NRXN1: variants seen among roughly 807,000 people sequenced by gnomAD.
The protein encoded by NRXN1 is neurexin-1.
A neutral mutation model predicts 150.9 loss-of-function variants in NRXN1; 39 were observed. The ratio of observed to expected loss-of-function variants is 0.26; its 90% CI spans 0.20 to 0.34. The LOEUF (loss-of-function observed/expected upper bound fraction) is 0.34, where lower values mean the gene tolerates loss of function less well. NRXN1 is among the 10% of genes least tolerant of loss of function. NRXN1 has a pLI of 1.00. For synonymous variants in NRXN1, 924 were observed against 757.0 expected, an observed-to-expected ratio of 1.22 and a Z score of -3.62; for missense variants, 1,815 against 1,949.9, an observed-to-expected ratio of 0.93 and a Z score of 1.30.
chr2:50,417,765 T>C (rs1016468961), intron 17 of NRXN1, among the ~76,000 whole-genome samples: 1 of 150,906 alleles, frequency 6.6e-6, no homozygotes, highest in Non-Finnish European at 1.5e-5. Flanking sequence ...AGAGTAAAAA[T>C]TAAAGAAACA....
chr2:50,091,000 G>A (rs915662234), intron 19 of NRXN1, among the ~76,000 whole-genome samples: 1 of 152,052 alleles, frequency 6.6e-6, no homozygotes, highest in Non-Finnish European at 1.5e-5. Flanking sequence ...TTTTGACAAA[G>A]CCTTTCCTTT....
chr2:50,988,552 C>T (rs535490957), intron 2 of NRXN1, among the ~76,000 whole-genome samples: 1 of 152,002 alleles, frequency 6.6e-6, no homozygotes, highest in South Asian at 2.1e-4. Flanking sequence ...CTAGACCAAA[C>T]AAGGAAGAGG....
At chr2:50,744,790 T>C (rs548248573) in intron 5 of NRXN1, among the ~76,000 whole-genome samples, 1 of 152,252 alleles carries the variant, frequency 6.6e-6, no homozygotes, top group Non-Finnish European at 1.5e-5. Context: ...AATGCTGTTC[T>C]TTTCTAGGGA....
chr2:50,318,357 T>C (rs540103713), intron 17 of NRXN1, among the ~76,000 whole-genome samples: 2 of 152,104 alleles, frequency 1.3e-5, no homozygotes, highest in East Asian at 1.9e-4. Context: ...GGACAGCAGG[T>C]GAATGGTAAG....
At position 50,545,927 on chromosome 2, in the gene NRXN1, T is replaced by G. The variant is rs375618331; in HGVS notation, c.1759+6660A>C. 1.1e-4 allele frequency among the ~76,000 whole-genome samples: 16 copies of G among 152,292 alleles called. No individual in the cohort carries two copies. In the East Asian group the frequency reaches 1.9e-3, roughly 18 times the overall value. On this transcript the variant is annotated intron_variant, in intron 9 of 22. Transcript: ENST00000401669. ...CTTATATCTAATACAATGTAAATGC[T>G]ACATAGTTATTATACTGCATTGTTT...
At chr2:50,188,578 G>A (rs763814701) in intron 18 of NRXN1, among the ~76,000 whole-genome samples, 55 of 151,974 alleles carry the variant, frequency 3.6e-4, no homozygotes, top group Non-Finnish European at 6.3e-4. Context: ...TCATTAGAGT[G>A]AATAGGTAAC....
At chr2:50,521,117 T>C (rs1322503735) in intron 12 of NRXN1, among the ~76,000 whole-genome samples, 2 of 152,170 alleles carry the variant, frequency 1.3e-5, no homozygotes, top group African/African-American at 2.4e-5. Context: ...GATTTCTCCA[T>C]GTATTTGAAA....
intron 8 of NRXN1, among the ~76,000 whole-genome samples, chr2:50,559,457 G>A (rs1355023905): frequency 6.6e-6 from 1 of 152,108 alleles, no homozygotes. Flanking sequence ...TCAATCAAAT[G>A]CAATTTTAGT....
chr2:50,162,888 C>T (rs1242183218), intron 18 of NRXN1, among the ~76,000 whole-genome samples: 1 of 151,730 alleles, frequency 6.6e-6, no homozygotes, highest in Non-Finnish European at 1.5e-5. Context: ...ATTCAAGAAT[C>T]ATATACTCTC....
chr2:50,717,649 A>G (rs1047440428), intron 5 of NRXN1, among the ~76,000 whole-genome samples: 1 of 152,216 alleles, frequency 6.6e-6, no homozygotes, highest in Non-Finnish European at 1.5e-5. Flanking sequence ...TAACAAAAGT[A>G]GCTCAAACTG....
At chr2:50,222,192 A>G (rs1200689600) in intron 18 of NRXN1, among the ~76,000 whole-genome samples, 1 of 152,004 alleles carries the variant, frequency 6.6e-6, no homozygotes, top group African/African-American at 2.4e-5. Context: ...AAAGAGCCGC[A>G]TGCTTCATGA....
chr2:50,681,422 C>G (rs1690389541), intron 5 of NRXN1, among the ~76,000 whole-genome samples: 1 of 152,106 alleles, frequency 6.6e-6, no homozygotes, highest in Admixed American at 6.6e-5. Context: ...TTTTGGGAGT[C>G]AGACCAGGCA....
rs983690931 is a variant in NRXN1, at chr2:50,346,172, C to A, written c.3365-109202G>T. On this transcript the variant is annotated intron_variant, in intron 17 of 22. Transcript: ENST00000401669. The surrounding 1 kb of genome is among the most constrained non-coding windows in gnomAD (Gnocchi z 5.0). ...TGTTGAGTGAGTCCCAGGACTGCTT[C>A]GCTGTCACTGCAGTCTGGGCGCACT... Among the ~76,000 whole-genome samples the A allele has an allele frequency of 2.6e-5, 4 of 152,158 alleles. No homozygotes were observed. Among genetic ancestry groups the A allele is most frequent in the African/African-American group, 7.2e-5 (3 of 41,446 alleles).
intron 8 of NRXN1, among the ~76,000 whole-genome samples, chr2:50,612,808 A>G (rs1021052131): frequency 1.3e-4 from 20 of 152,160 alleles, no homozygotes; most frequent in Non-Finnish European, 2.8e-4. Context: ...AGGTCTCATG[A>G]GTTCTCATTT....
chr2:50,598,476 T>C (rs1675616476), intron 8 of NRXN1, among the ~76,000 whole-genome samples: 1 of 151,264 alleles, frequency 6.6e-6, no homozygotes, highest in African/African-American at 2.4e-5. Flanking sequence ...AAAGACTAAA[T>C]AGCATGTGTA....
intron 2 of NRXN1, among the ~76,000 whole-genome samples, chr2:50,965,198 T>C (rs1693868438): frequency 1.3e-5 from 2 of 151,376 alleles, no homozygotes; most frequent in Admixed American, 6.6e-5. Context: ...GTCATATGTA[T>C]TTACAGATGC....
rs566700182 is a variant in NRXN1, at chr2:50,391,792, T to G, written c.3364+73650A>C. Among the ~76,000 whole-genome samples the G allele has an allele frequency of 3.3e-5, 5 of 152,246 alleles. No individual in the cohort carries two copies. In the South Asian group the frequency reaches 1.0e-3, roughly 32 times the overall value. On this transcript the variant is annotated intron_variant, in intron 17 of 22. Coordinates refer to ENST00000401669, the MANE Select transcript of NRXN1 (RefSeq NM_001330078.2). Reference sequence around the variant, plus strand: ...AAATGGTCAGGCTGCAACAAATGGCTTAGGGATGAATGAGAAACAATTGAA... The same window carrying G: ...AAATGGTCAGGCTGCAACAAATGGCGTAGGGATGAATGAGAAACAATTGAA...
At position 50,120,737 on chromosome 2, in the gene NRXN1, GGTTAA is replaced by G. The variant is rs567028315; in HGVS notation, c.3547-29248_3547-29244del. On this transcript the variant is annotated intron_variant, in intron 18 of 22. Coordinates refer to ENST00000401669, the MANE Select transcript of NRXN1 (RefSeq NM_001330078.2). ...TCTGGAATTTACTATAATACATACC[GGTTAA>G]GTTATTAAAATTTAATCTTTTCACA... Among the ~76,000 whole-genome samples, 349 of 151,954 alleles carry G rather than the reference GGTTAA, an allele frequency of 2.3e-3. 4 individuals carry two copies. Among genetic ancestry groups the G allele is most frequent in the Middle Eastern group, 0.01 (3 of 294 alleles).
At chr2:51,010,007 C>T (rs565318503) in intron 2 of NRXN1, among the ~76,000 whole-genome samples, 164 of 151,980 alleles carry the variant, frequency 1.1e-3, no homozygotes, top group African/African-American at 3.9e-3. Context: ...AGAATATATT[C>T]TGCAAGGTTA....
Sources: gnomAD v4.1 joint callset for allele counts (sites outside exome capture counted in the v4.1 genomes callset) on GRCh38, gnomAD v4.1.1 for gene constraint, Gnocchi (gnomAD v3.1) non-coding constraint, MANE v1.5 for transcripts, NCBI Gene and HGNC (gene_info 2026-07-23, HGNC 2026-07-21) for gene names.